The following ROBO1 variants were observed in gnomAD, a reference collection of about 807,000 sequenced individuals.
ROBO1 encodes the protein roundabout homolog 1.
A neutral mutation model predicts 195.9 loss-of-function variants in ROBO1; 149 were observed. That is an observed-to-expected ratio of 0.76 (90% CI 0.67 to 0.87). The LOEUF (loss-of-function observed/expected upper bound fraction) is 0.87, where lower values mean the gene tolerates loss of function less well. Ranked by LOEUF, ROBO1 falls within the 40% of genes least tolerant of loss-of-function variation. The probability of loss-of-function intolerance (pLI) is 0.00; values close to 1 mark genes in which losing one functional copy is unlikely to be tolerated. For synonymous variants in ROBO1, 816 were observed against 733.2 expected, an observed-to-expected ratio of 1.11 and a Z score of -1.82; for missense variants, 1,933 against 2,068.3, an observed-to-expected ratio of 0.93 and a Z score of 1.27.
intron 3 of ROBO1, among the ~76,000 whole-genome samples, chr3:79,034,953 A>T (rs1320998960): frequency 6.6e-6 from 1 of 152,116 alleles, no homozygotes; most frequent in Non-Finnish European, 1.5e-5. Flanking sequence ...TAAAACCAGT[A>T]ATTTTTAAAG....
intron 2 of ROBO1, among the ~76,000 whole-genome samples, chr3:79,204,464 A>G (rs1050073379): frequency 2.6e-5 from 4 of 152,012 alleles, no homozygotes; most frequent in South Asian, 2.1e-4. Flanking sequence ...GGCTGACTAC[A>G]TGGTCTCTAA....
At chr3:79,272,950 A>G (rs2030697886) in intron 2 of ROBO1, among the ~76,000 whole-genome samples, 1 of 152,116 alleles carries the variant, frequency 6.6e-6, no homozygotes, top group South Asian at 2.1e-4. Flanking sequence ...GGAGAATGGA[A>G]TGACATGTTT....
At chr3:78,651,968 CA>C (rs767105846) in intron 18 of ROBO1, 39 bp from the exon 19 acceptor site, 4 of 1,519,830 alleles carry the variant, frequency 2.6e-6, no homozygotes, top group Non-Finnish European at 3.6e-6. Context: ...GTTGAAGACT[CA>C]ATGCAATAAT....
chr3:79,129,941 C>T (rs1157074652), intron 2 of ROBO1, among the ~76,000 whole-genome samples: 2 of 130,470 alleles, frequency 1.5e-5, no homozygotes, highest in Middle Eastern at 3.6e-3. Context: ...ATAGGGAATC[C>T]TTTCCCCATT....
intron 2 of ROBO1, among the ~76,000 whole-genome samples, chr3:79,416,795 G>A (rs2038023705): frequency 6.6e-6 from 1 of 152,194 alleles, no homozygotes; most frequent in East Asian, 1.9e-4. Flanking sequence ...ATATTTTGTA[G>A]GATAATGTAC....
intron 3 of ROBO1, among the ~76,000 whole-genome samples, chr3:79,119,498 T>C (rs1368347944): frequency 6.6e-6 from 1 of 152,218 alleles, no homozygotes; most frequent in Non-Finnish European, 1.5e-5. Context: ...AATTTCTTAA[T>C]AATTGAGGTC....
At chr3:78,884,853 T>TC (rs2036445135) in intron 4 of ROBO1, among the ~76,000 whole-genome samples, 1 of 133,644 alleles carries the variant, frequency 7.5e-6, no homozygotes, top group Non-Finnish European at 1.6e-5. Flanking sequence ...TCTCTCTCTC[T>TC]CTCTCTCTCT....
At chr3:78,660,989 A>T (rs1356020017) in intron 16 of ROBO1, 41 bp downstream of exon 16, 1 of 1,328,274 alleles carries the variant, frequency 7.5e-7, no homozygotes, top group Non-Finnish European at 1.1e-6. Flanking sequence ...TCTAACAAAT[A>T]TACTGCAATG....
At chr3:79,367,857 G>T (rs970729974) in intron 2 of ROBO1, among the ~76,000 whole-genome samples, 1 of 152,160 alleles carries the variant, frequency 6.6e-6, no homozygotes, top group Non-Finnish European at 1.5e-5. Context: ...TACAGGGATC[G>T]TGCTTGTTTT....
At chr3:79,217,042 G>C (rs542960142) in intron 2 of ROBO1, among the ~76,000 whole-genome samples, 26 of 152,022 alleles carry the variant, frequency 1.7e-4, no homozygotes, top group Non-Finnish European at 3.4e-4. Flanking sequence ...TTGTCAGCAG[G>C]AAACACTTTA....
intron 2 of ROBO1, among the ~76,000 whole-genome samples, chr3:79,283,888 G>A (rs1244420984): frequency 1.3e-5 from 2 of 151,620 alleles, no homozygotes; most frequent in South Asian, 4.2e-4. Flanking sequence ...TAGTAGAGAC[G>A]GGGTTTCACC....
At chr3:79,203,683 T>C (rs2081810638) in intron 2 of ROBO1, among the ~76,000 whole-genome samples, 1 of 152,180 alleles carries the variant, frequency 6.6e-6, no homozygotes, top group Non-Finnish European at 1.5e-5. Flanking sequence ...GTGAACAATT[T>C]GAAAATCAGT....
chr3:79,065,230 T>G (rs1459061471), intron 3 of ROBO1, among the ~76,000 whole-genome samples: 1 of 151,972 alleles, frequency 6.6e-6, no homozygotes, highest in Non-Finnish European at 1.5e-5. Flanking sequence ...AAGAGGCAAC[T>G]GTGTGTGGGT....
intron 2 of ROBO1, among the ~76,000 whole-genome samples, chr3:79,480,473 G>T (rs1240368982): frequency 1.3e-5 from 2 of 152,096 alleles, no homozygotes; most frequent in African/African-American, 2.4e-5. Flanking sequence ...CCCTGATTAT[G>T]ATCAAGCTCT....
intron 2 of ROBO1, among the ~76,000 whole-genome samples, chr3:79,448,642 A>T (rs1348150044): frequency 1.3e-5 from 2 of 152,194 alleles, no homozygotes; most frequent in Non-Finnish European, 2.9e-5. Flanking sequence ...TATGAGCTTG[A>T]TGTCATCTAA....
intron 2 of ROBO1, among the ~76,000 whole-genome samples, chr3:79,163,200 G>A (rs1437808134): frequency 1.3e-5 from 2 of 151,934 alleles, no homozygotes; most frequent in Non-Finnish European, 2.9e-5. Flanking sequence ...ACAGTTCCTG[G>A]CAACCACAAT....
intron 2 of ROBO1, among the ~76,000 whole-genome samples, chr3:79,585,120 T>A (rs1352980903): frequency 6.6e-6 from 1 of 151,678 alleles, no homozygotes; most frequent in Non-Finnish European, 1.5e-5. Flanking sequence ...ACTTTTAAGA[T>A]AATTTTATGG....
chr3:78,884,587 G>GAGAA (rs1346250878), intron 4 of ROBO1, among the ~76,000 whole-genome samples: 1 of 146,016 alleles, frequency 6.8e-6, no homozygotes, highest in Non-Finnish European at 1.5e-5. Context: ...GAGAGAAAGG[G>GAGAA]AGAAAGAAAG....
At chr3:79,413,337 A>T (rs899106668) in intron 2 of ROBO1, among the ~76,000 whole-genome samples, 2 of 152,132 alleles carry the variant, frequency 1.3e-5, no homozygotes, top group African/African-American at 4.8e-5. Flanking sequence ...GTATAAGGCA[A>T]GAGGGATAGG....
Sources: allele counts gnomAD v4.1 joint callset (sites outside exome capture counted in the v4.1 genomes callset), GRCh38; gene constraint gnomAD v4.1.1; transcripts MANE v1.5; gene names NCBI Gene and HGNC (gene_info 2026-07-23, HGNC 2026-07-21).